Variants in MAP2 observed in about 807,000 individuals in gnomAD.
MAP2 encodes the protein microtubule-associated protein 2.
MAP2 carries 14 observed loss-of-function variants against 137.6 expected under a neutral mutation model. That is an observed-to-expected ratio of 0.10 (90% confidence interval 0.07 to 0.16). MAP2 has a LOEUF of 0.16. Ranked by LOEUF, MAP2 falls within the 10% of genes least tolerant of loss-of-function variation. The pLI is 1.00. For missense variants in MAP2, 2,088 were observed against 2,191.5 expected (o/e 0.95, Z 0.94); for synonymous variants, 786 against 782.3 (o/e 1.00, Z -0.08).
intron 4 of MAP2, among the ~76,000 whole-genome samples, chr2:209,636,529 A>G (rs940818015): frequency 3.3e-5 from 5 of 150,338 alleles, no homozygotes; most frequent in Admixed American, 1.3e-4. Context: ...GGGATTGAAA[A>G]TTATAGTACA....
At chr2:209,501,767 C>T (rs1472620443) in intron 1 of MAP2, among the ~76,000 whole-genome samples, 4 of 151,806 alleles carry the variant, frequency 2.6e-5, no homozygotes, top group African/African-American at 4.8e-5. Context: ...CCTATTTGCT[C>T]AATAACTGGC....
At chr2:209,473,873 A>T (rs1008792605) in intron 1 of MAP2, among the ~76,000 whole-genome samples, 3 of 152,198 alleles carry the variant, frequency 2.0e-5, no homozygotes, top group Non-Finnish European at 4.4e-5. Context: ...ATTTTACAGC[A>T]TATATTTTAA....
At chr2:209,635,194 T>A (rs1233129869) in intron 4 of MAP2, among the ~76,000 whole-genome samples, 1 of 152,142 alleles carries the variant, frequency 6.6e-6, no homozygotes, top group Non-Finnish European at 1.5e-5. Flanking sequence ...AAAAGCATAG[T>A]GTCTATTGCC....
At chr2:209,587,027 C>A (rs1040922248) in intron 3 of MAP2, among the ~76,000 whole-genome samples, 1 of 152,184 alleles carries the variant, frequency 6.6e-6, no homozygotes, top group African/African-American at 2.4e-5. Flanking sequence ...GCATTCCATT[C>A]TTTCTGCCCA....
chr2:209,468,651 C>T (rs934869077), intron 1 of MAP2, among the ~76,000 whole-genome samples: 1 of 152,080 alleles, frequency 6.6e-6, no homozygotes, highest in African/African-American at 2.4e-5. Flanking sequence ...CACACAAAGT[C>T]TTACGTTGAG....
intron 3 of MAP2, among the ~76,000 whole-genome samples, chr2:209,607,565 G>T (rs981010501): frequency 6.6e-6 from 1 of 152,146 alleles, no homozygotes; most frequent in Admixed American, 6.5e-5. Flanking sequence ...CTCCCAGGTA[G>T]CTGGGATTAC....
At chr2:209,671,765 A>G (rs949528104) in intron 5 of MAP2, among the ~76,000 whole-genome samples, 1 of 151,912 alleles carries the variant, frequency 6.6e-6, no homozygotes, top group Non-Finnish European at 1.5e-5. Flanking sequence ...GTTCTCAAGC[A>G]TATGCCAAGG....
chr2:209,505,711 C>T (rs577855843), intron 1 of MAP2, among the ~76,000 whole-genome samples: 1 of 149,152 alleles, frequency 6.7e-6, no homozygotes, highest in East Asian at 1.9e-4. Flanking sequence ...GTGGCTTATG[C>T]CTGTAATCCC....
chr2:209,694,431 A>G lies in MAP2; in HGVS notation c.2261A>G (p.Glu754Gly), dbSNP rs1319902962. 3 of 1,613,960 alleles carry G rather than the reference A, an allele frequency of 1.9e-6. No homozygotes were observed. Among genetic ancestry groups the G allele is most frequent in the African/African-American group, 1.3e-5 (1 of 74,908 alleles). ...DYLPATTPAL[E>G]KAPCFPVESK... The stretch of plus-strand genomic sequence containing the variant: ...CTTCCAGCCACCACACCTGCACTGG[A>G]GAAAGCCCCTTGCTTCCCTGTAGAA... The change falls in exon 8 of 16, where the codon GAG becomes GGG. Residue 754 changes from glutamate (E) to glycine (G), a missense_variant. Glu to Gly is a moderately conservative substitution (Grantham distance 98). This residue lies in a region of MAP2 where 500 missense variants were observed against 482.9 expected (regional missense o/e 1.04). Transcript: ENST00000682079.
chr2:209,622,029 A>C lies in MAP2; in HGVS notation c.-106-3024A>C, dbSNP rs141342596. Among the ~76,000 whole-genome samples, 5 of 152,260 alleles carry C rather than the reference A, an allele frequency of 3.3e-5. No individual in the cohort carries two copies. The East Asian group carries it at 9.7e-4, about 29-fold the overall frequency. On this transcript the variant is annotated intron_variant, in intron 3 of 15. Coordinates refer to ENST00000682079, the MANE Select transcript of MAP2 (RefSeq NM_001375505.1). Reference sequence around the variant, plus strand: ...CCTATTCTCTGCCTTGTGTAGGCTAACTCTTAAATATAATTGTTAAGCAGT... The same window carrying C: ...CCTATTCTCTGCCTTGTGTAGGCTACCTCTTAAATATAATTGTTAAGCAGT...
At chr2:209,711,336 C>T (rs2065381996) in intron 13 of MAP2, among the ~76,000 whole-genome samples, 1 of 152,086 alleles carries the variant, frequency 6.6e-6, no homozygotes, top group Admixed American at 6.6e-5. Context: ...TCAGGCACTC[C>T]TACTCACCAA....
At chr2:209,613,934 A>T (rs1303167774) in intron 3 of MAP2, among the ~76,000 whole-genome samples, 1 of 152,134 alleles carries the variant, frequency 6.6e-6, no homozygotes, top group Non-Finnish European at 1.5e-5. Context: ...TTGCAACCTC[A>T]TTGGCTCACT....
At chr2:209,650,587 T>C (rs1447638965) in intron 4 of MAP2, among the ~76,000 whole-genome samples, 1 of 152,160 alleles carries the variant, frequency 6.6e-6, no homozygotes, top group Non-Finnish European at 1.5e-5. Context: ...AAATATAATA[T>C]AGTACCCTGG....
intron 5 of MAP2, among the ~76,000 whole-genome samples, chr2:209,677,940 A>G (rs1351323127): frequency 6.6e-6 from 1 of 151,956 alleles, no homozygotes; most frequent in Non-Finnish European, 1.5e-5. Context: ...ATTTTCACTG[A>G]TCCTGGATAA....
intron 1 of MAP2, among the ~76,000 whole-genome samples, chr2:209,489,601 A>T (rs574887923): frequency 3.7e-4 from 57 of 152,296 alleles, no homozygotes; most frequent in Middle Eastern, 3.4e-3. Context: ...AACAGAAATG[A>T]CCTGATGGAG....
intron 1 of MAP2, among the ~76,000 whole-genome samples, chr2:209,467,340 T>C (rs1704385168): frequency 1.3e-5 from 2 of 152,168 alleles, no homozygotes; most frequent in Non-Finnish European, 2.9e-5. Flanking sequence ...TCTTCTGTCC[T>C]ATCACTCTCC....
chr2:209,632,218 C>T (rs1346876403), intron 4 of MAP2, among the ~76,000 whole-genome samples: 1 of 152,140 alleles, frequency 6.6e-6, no homozygotes, highest in African/African-American at 2.4e-5. Flanking sequence ...CTGAGGATAA[C>T]AGTCAGGACT....
intron 11 of MAP2, chr2:209,704,004 T>C (rs778930798): frequency 1.5e-5 from 7 of 455,960 alleles, no homozygotes; most frequent in Middle Eastern, 7.4e-4. Context: ...ATGTGCAGGC[T>C]TGTTACAAGG....
At chr2:209,701,950 G>A (rs2061878772) in intron 11 of MAP2, among the ~76,000 whole-genome samples, 1 of 151,854 alleles carries the variant, frequency 6.6e-6, no homozygotes. Flanking sequence ...AAAATAAAGG[G>A]GAGGACAAAA....
Sources: gnomAD v4.1 joint callset for allele counts (sites outside exome capture counted in the v4.1 genomes callset) on GRCh38, gnomAD v4.1.1 for gene constraint, gnomAD v4.1.1 regional missense constraint, MANE v1.5 for transcripts, NCBI Gene and HGNC (gene_info 2026-07-23, HGNC 2026-07-21) for gene names.